The following PKIB variants were observed in gnomAD, a reference collection of about 807,000 sequenced individuals.
PKIB encodes the protein PKI-beta.
In PKIB, 2 loss-of-function variants were observed where a neutral mutation model predicts 4.5. The ratio of observed to expected loss-of-function variants is 0.44; its 90% confidence interval spans 0.18 to 1.39. The LOEUF (loss-of-function observed/expected upper bound fraction) is 1.39, where lower values mean the gene tolerates loss of function less well. Ranked by LOEUF, PKIB falls within the 40% of genes most tolerant of loss-of-function variation. The pLI is 0.27. For missense variants in PKIB, 94 were observed against 92.6 expected (o/e 1.02, Z -0.06); for synonymous variants, 38 against 36.0 (o/e 1.06, Z -0.20).
At chr6:122,557,286 A>G (rs900214324) in intron 2 of PKIB, among the ~76,000 whole-genome samples, 2 of 152,166 alleles carry the variant, frequency 1.3e-5, no homozygotes, top group Non-Finnish European at 2.9e-5. Flanking sequence ...ACAGATGTTC[A>G]TGGCCCATAT....
intron 3 of PKIB, among the ~76,000 whole-genome samples, chr6:122,679,253 A>G (rs1480624143): frequency 2.6e-5 from 4 of 152,220 alleles, no homozygotes; most frequent in African/African-American, 7.2e-5. Flanking sequence ...TCTGAGAGTT[A>G]TAAGTCCTGA....
intron 2 of PKIB, among the ~76,000 whole-genome samples, chr6:122,584,859 A>G (rs1773805782): frequency 1.3e-5 from 2 of 152,198 alleles, no homozygotes; most frequent in South Asian, 2.1e-4. Flanking sequence ...CACAATGGGG[A>G]CTAGGTAAAA....
chr6:122,686,572 G>T (rs1007854360), intron 3 of PKIB, among the ~76,000 whole-genome samples: 1 of 151,442 alleles, frequency 6.6e-6, no homozygotes, highest in Non-Finnish European at 1.5e-5. Flanking sequence ...ATCATGGCTC[G>T]CTGCAGCCTT....
intron 2 of PKIB, among the ~76,000 whole-genome samples, chr6:122,569,787 C>T (rs574071867): frequency 3.9e-5 from 6 of 152,294 alleles, no homozygotes; most frequent in African/African-American, 1.4e-4. Context: ...GGAGAGAGAA[C>T]CACATCAAGG....
intron 2 of PKIB, among the ~76,000 whole-genome samples, chr6:122,551,039 TTCTA>T (rs1412698472): frequency 6.6e-6 from 1 of 152,204 alleles, no homozygotes; most frequent in African/African-American, 2.4e-5. Flanking sequence ...TTGCATGGCA[TTCTA>T]TCTTTTATCT....
chr6:122,557,612 C>T (rs1314092557), intron 2 of PKIB, among the ~76,000 whole-genome samples: 5 of 152,222 alleles, frequency 3.3e-5, no homozygotes, highest in Admixed American at 1.3e-4. Context: ...AGCTCTTCTT[C>T]CCAACTCTTG....
intron 2 of PKIB, among the ~76,000 whole-genome samples, chr6:122,510,956 A>C (rs1009753023): frequency 1.3e-5 from 2 of 152,130 alleles, no homozygotes; most frequent in Non-Finnish European, 2.9e-5. Flanking sequence ...CATATCTCTG[A>C]AGGAGCCATG....
At chr6:122,722,219 C>A (rs9490537) in intron 4 of PKIB, among the ~76,000 whole-genome samples, 6,861 of 152,096 alleles carry the variant, frequency 0.045, 311 homozygotes, top group African/African-American at 0.12. Context: ...GCAATCATAA[C>A]CTCTTGAGCA....
intron 2 of PKIB, among the ~76,000 whole-genome samples, chr6:122,580,332 G>A (rs1458000607): frequency 6.6e-6 from 1 of 152,014 alleles, no homozygotes; most frequent in Non-Finnish European, 1.5e-5. Flanking sequence ...GATTTTGATG[G>A]GAAACTGGGA....
intron 3 of PKIB, among the ~76,000 whole-genome samples, chr6:122,677,487 T>A (rs1777717172): frequency 6.6e-6 from 1 of 152,214 alleles, no homozygotes; most frequent in Non-Finnish European, 1.5e-5. Context: ...GTGCTTCTGC[T>A]AGTGCAGATC....
chr6:122,689,188 A>G (rs1490791855), intron 3 of PKIB, among the ~76,000 whole-genome samples: 1 of 151,798 alleles, frequency 6.6e-6, no homozygotes, highest in African/African-American at 2.4e-5. Flanking sequence ...AAGGTTTGTC[A>G]ATTTTGGTTA....
At chr6:122,517,272 A>G (rs1776787683) in intron 2 of PKIB, among the ~76,000 whole-genome samples, 2 of 152,196 alleles carry the variant, frequency 1.3e-5, no homozygotes, top group African/African-American at 2.4e-5. Context: ...ACCTTCAGGC[A>G]TTATTCAACC....
chr6:122,576,710 A>ATATATATATATATATATATTTTTT (rs59569106), intron 2 of PKIB, among the ~76,000 whole-genome samples: 1 of 109,988 alleles, frequency 9.1e-6, no homozygotes, highest in African/African-American at 4.0e-5. Context: ...ATATATATAT[A>ATATATATATATATATATATTTTTT]TTTTCTTTTG....
chr6:122,500,753 T>C (rs1003968281), intron 2 of PKIB, among the ~76,000 whole-genome samples: 1 of 152,192 alleles, frequency 6.6e-6, no homozygotes, highest in African/African-American at 2.4e-5. Flanking sequence ...AGGTAATTCA[T>C]GGAGAAAAGA....
chr6:122,593,297 G>A (rs529893129), intron 3 of PKIB, among the ~76,000 whole-genome samples: 4 of 152,270 alleles, frequency 2.6e-5, no homozygotes, highest in Middle Eastern at 3.4e-3. Flanking sequence ...AAAAAAGTTG[G>A]CTGCAGCAAG....
chr6:122,706,679 C>T (rs1779067685), intron 3 of PKIB, among the ~76,000 whole-genome samples: 1 of 152,122 alleles, frequency 6.6e-6, no homozygotes, highest in African/African-American at 2.4e-5. Context: ...ACAGTAGTGA[C>T]TAATCCACAG....
At chr6:122,608,739 T>C (rs944356629), upstream of PKIB, among the ~76,000 whole-genome samples, 44 of 152,324 alleles carry the variant, frequency 2.9e-4, no homozygotes, top group African/African-American at 1.0e-3. Context: ...TGATTTCATA[T>C]GTAGGTTAAA....
At chr6:122,505,702 TC>T (rs908048386) in intron 2 of PKIB, among the ~76,000 whole-genome samples, 15 of 152,272 alleles carry the variant, frequency 9.9e-5, no homozygotes, top group African/African-American at 3.6e-4. Context: ...TAATTTTTTA[TC>T]CCTTTTTTTA....
intron 3 of PKIB, among the ~76,000 whole-genome samples, chr6:122,711,321 TC>T (rs1190624828): frequency 6.6e-6 from 1 of 152,188 alleles, no homozygotes; most frequent in African/African-American, 2.4e-5. Flanking sequence ...GCAGGAGGAA[TC>T]ATGGTAATGG....
Sources: gnomAD v4.1 joint callset for allele counts (sites outside exome capture counted in the v4.1 genomes callset) on GRCh38, gnomAD v4.1.1 for gene constraint, MANE v1.5 for transcripts, NCBI Gene and HGNC (gene_info 2026-07-23, HGNC 2026-07-21) for gene names.